The following WNK1 variants were observed in gnomAD, a reference collection of about 807,000 sequenced individuals.
WNK1 encodes the protein WNK lysine deficient protein kinase 1, also known as serine/threonine-protein kinase WNK1.
WNK1 carries 38 observed loss-of-function variants against 222.8 expected under a neutral mutation model. The ratio of observed to expected loss-of-function variants is 0.17; its 90% confidence interval spans 0.13 to 0.22. The LOEUF (loss-of-function observed/expected upper bound fraction) is 0.22. Among genes scored for constraint, WNK1 ranks in the 10% least tolerant of loss-of-function variants. The pLI, the probability that WNK1 is intolerant of heterozygous loss-of-function variation, is 1.00. For synonymous variants in WNK1, 1,090 were observed against 1,092.9 expected (o/e 1.00, Z 0.05); for missense variants, 2,348 against 2,918.4 (o/e 0.80, Z 4.50).
At chr12:810,408 G>A (rs896116444) in intron 1 of WNK1, among the ~76,000 whole-genome samples, 2 of 152,102 alleles carry the variant, frequency 1.3e-5, no homozygotes, top group African/African-American at 4.8e-5. Flanking sequence ...ATCATGTGTG[G>A]TCTTAATTTA....
intron 2 of WNK1, among the ~76,000 whole-genome samples, chr12:815,948 A>C (rs1283745878): frequency 6.6e-6 from 1 of 152,230 alleles, no homozygotes; most frequent in Non-Finnish European, 1.5e-5. Flanking sequence ...CCTCCAGATA[A>C]TAAGCAGAGA....
intron 2 of WNK1, among the ~76,000 whole-genome samples, chr12:818,224 A>G (rs1213694853): frequency 6.6e-6 from 1 of 152,118 alleles, no homozygotes. Flanking sequence ...ATTGCACATT[A>G]TCTAAGTTCT....
chr12:757,333 T>TTTTTA (rs1491212965), intron 1 of WNK1, among the ~76,000 whole-genome samples: 1 of 71,488 alleles, frequency 1.4e-5, no homozygotes. Flanking sequence ...TTTTTTTTTT[T>TTTTTA]AAAAAAAAAA....
chr12:767,067 G>A (rs538268117), intron 1 of WNK1, among the ~76,000 whole-genome samples: 3 of 151,542 alleles, frequency 2.0e-5, no homozygotes, highest in South Asian at 2.1e-4. Flanking sequence ...GTGAGCCACC[G>A]TGCCCGGCCC....
At chr12:796,572 A>T (rs1389546119) in intron 1 of WNK1, among the ~76,000 whole-genome samples, 2 of 152,216 alleles carry the variant, frequency 1.3e-5, no homozygotes, top group African/African-American at 4.8e-5. Context: ...CACTGCGCCC[A>T]GCTGAAATCT....
At chr12:808,917 C>G (rs1388547411) in intron 1 of WNK1, among the ~76,000 whole-genome samples, 1 of 151,998 alleles carries the variant, frequency 6.6e-6, no homozygotes, top group Non-Finnish European at 1.5e-5. Context: ...GCGCCTGCCA[C>G]CACGCCCGGC....
Position 753,778 on chromosome 12 carries a change from C to T in WNK1, c.213C>T (p.Thr71=). 2 of 1,612,526 alleles carry T rather than the reference C, an allele frequency of 1.2e-6. No homozygotes were observed. Among genetic ancestry groups the T allele is most frequent in the South Asian group, 1.1e-5 (1 of 91,090 alleles). ...AGGACAGCCGTGGGGCGGCCGCGACCACTACCACCACTGAGCACCGCTTCT... is the reference window on the plus strand; with the variant it reads ...AGGACAGCCGTGGGGCGGCCGCGACTACTACCACCACTGAGCACCGCTTCT... ...MDKDSRGAAA[T]TTTTEHRFFR... is the part of the protein sequence containing the mutation. The change falls in exon 1 of 28, where the codon ACC becomes ACT. Residue 71 remains threonine (T), a synonymous_variant. Coordinates refer to ENST00000315939, the MANE Select transcript of WNK1 (RefSeq NM_018979.4). This position sits in a 1 kb window ranked among gnomAD's most constrained non-coding sequence, Gnocchi z 5.2.
chr12:755,072 TCGCAGC>T (rs1447320489), intron 1 of WNK1, among the ~76,000 whole-genome samples: 3 of 151,854 alleles, frequency 2.0e-5, no homozygotes, highest in African/African-American at 7.3e-5. Flanking sequence ...TCCGAAGGAG[TCGCAGC>T]ACTTCCTTTT....
chr12:829,871 T>G, intron 3 of WNK1, 132 bp from the exon 4 acceptor site: 1 of 907,296 alleles, frequency 1.1e-6, no homozygotes, highest in South Asian at 1.4e-5. Context: ...CTTCCTCTTT[T>G]CTCCCCCTTT....
At chr12:854,361 TTTTTTG>T (rs1950620724) in intron 4 of WNK1, among the ~76,000 whole-genome samples, 2 of 136,278 alleles carry the variant, frequency 1.5e-5, no homozygotes, top group African/African-American at 5.4e-5. Context: ...TTATCTTTTT[TTTTTTG>T]TTTTTTTTGA....
chr12:811,599 C>G (rs897293980), intron 1 of WNK1, among the ~76,000 whole-genome samples: 1 of 152,072 alleles, frequency 6.6e-6, no homozygotes, highest in Non-Finnish European at 1.5e-5. Flanking sequence ...GGTGTTCCTT[C>G]TGATCTGTGT....
chr12:853,782 A>G (rs892827328), intron 4 of WNK1, among the ~76,000 whole-genome samples: 1 of 151,976 alleles, frequency 6.6e-6, no homozygotes, highest in African/African-American at 2.4e-5. Flanking sequence ...ACAGGGTCTC[A>G]CTGTGTCACC....
At position 880,047 on chromosome 12, in the gene WNK1, G is replaced by C. The variant is rs72649891; in HGVS notation, c.2832+16G>C. 2.5e-6 allele frequency: 4 copies of C among 1,609,962 alleles called. No individual in the cohort carries two copies. The African/African-American group carries it at 5.3e-5, about 22-fold the overall frequency. On this transcript the variant is annotated intron_variant, in intron 11 of 27. Transcript: ENST00000315939. The stretch of plus-strand genomic sequence containing the variant: ...TCTGTACCAGGTATTGTGTTAGTTA[G>C]CAAAAGAGGGCACCACAGAGTTTGA...
chr12:880,151 G>A (rs1953016845), intron 11 of WNK1, 120 bp downstream of exon 11: 4 of 967,180 alleles, frequency 4.1e-6, no homozygotes, highest in African/African-American at 1.6e-5. Context: ...AACTAGAGAA[G>A]CAAAATAGTA....
At chr12:787,680 AATGT>A (rs1310189818) in intron 1 of WNK1, among the ~76,000 whole-genome samples, 1 of 152,012 alleles carries the variant, frequency 6.6e-6, no homozygotes, top group Non-Finnish European at 1.5e-5. Context: ...TACACACTTT[AATGT>A]ATGTAGGCTG....
At chr12:837,587 A>G (rs1204325544) in intron 4 of WNK1, among the ~76,000 whole-genome samples, 7 of 141,670 alleles carry the variant, frequency 4.9e-5, no homozygotes, top group South Asian at 2.4e-4. Context: ...AAAAAAAAAA[A>G]AAAAAGAAAA....
chr12:753,444 C>T lies in WNK1; in HGVS notation c.-122C>T, dbSNP rs538911254. 1,881 of 1,339,280 alleles carry T rather than the reference C, an allele frequency of 1.4e-3. 16 individuals carry two copies. The highest frequency in any genetic ancestry group is 8.9e-3 in the South Asian group (688 of 77,090). The allele number at this position is 1,339,280 out of a possible 1,614,324, so 83.0% of individuals were successfully genotyped here. On this transcript the variant is annotated 5_prime_UTR_variant, in exon 1 of 28. Coordinates refer to ENST00000315939, the MANE Select transcript of WNK1 (RefSeq NM_018979.4). This position sits in a 1 kb window ranked among gnomAD's most constrained non-coding sequence, Gnocchi z 5.2. ...TTGTCGGTGCTGAGTGAGGCGTCGT[C>T]CGGGTCGGCGCGAACCCGCCCGGCC... is the stretch of plus-strand genomic sequence containing the variant.
chr12:870,266 C>T (rs1952029587), intron 8 of WNK1, among the ~76,000 whole-genome samples: 1 of 152,194 alleles, frequency 6.6e-6, no homozygotes, highest in African/African-American at 2.4e-5. Flanking sequence ...AGTATATTCA[C>T]ATCAGTATTC....
intron 2 of WNK1, among the ~76,000 whole-genome samples, chr12:826,308 A>G (rs951424241): frequency 6.6e-6 from 1 of 152,202 alleles, no homozygotes; most frequent in African/African-American, 2.4e-5. Context: ...GCTAGTGGCA[A>G]CTTTATTGGA....
Sources: allele counts gnomAD v4.1 joint callset (sites outside exome capture counted in the v4.1 genomes callset), GRCh38; gene constraint gnomAD v4.1.1; non-coding constraint Gnocchi (gnomAD v3.1); transcripts MANE v1.5; gene names NCBI Gene and HGNC (gene_info 2026-07-23, HGNC 2026-07-21).